The following ADAMTS20 variants were observed in gnomAD, a reference collection of about 807,000 sequenced individuals.
ADAMTS20 encodes ADAM metallopeptidase with thrombospondin type 1 motif 20, also known as A disintegrin and metalloproteinase with thrombospondin motifs 20.
A neutral mutation model predicts 260.1 loss-of-function variants in ADAMTS20; 225 were observed. The ratio of observed to expected loss-of-function variants is 0.87; its 90% CI spans 0.78 to 0.97. The LOEUF (loss-of-function observed/expected upper bound fraction) is 0.97, where lower values mean the gene tolerates loss of function less well. ADAMTS20 is among the 50% of genes least tolerant of loss of function. The pLI is 0.00. For missense variants in ADAMTS20, 2,400 were observed against 2,337.7 expected (o/e 1.03, Z -0.55); for synonymous variants, 802 against 769.5 (o/e 1.04, Z -0.70).
chr12:43,372,926 A>G (rs1435970734), intron 36 of ADAMTS20, among the ~76,000 whole-genome samples: 1 of 152,206 alleles, frequency 6.6e-6, no homozygotes, highest in Non-Finnish European at 1.5e-5. Context: ...GAGTGGAGGT[A>G]TTAAAAATTT....
rs753016233 is a variant in ADAMTS20 at position 43,428,266 on chromosome 12, T to C, written c.3920A>G (p.Gln1307Arg). 3.7e-6 allele frequency: 6 copies of C among 1,613,856 alleles called. No homozygotes were observed. In the African/African-American group the frequency reaches 8.0e-5, roughly 22 times the overall value. ...QVVHPSVRGNQWRTGPWGSCS... is the reference protein window; with the variant it reads ...QVVHPSVRGNRWRTGPWGSCS... The stretch of plus-strand genomic sequence containing the variant: ...TGATCCCCATGGTCCGGTTCTCCAC[T>C]GGTTTCCTCTGACTGATGGATGGAC... The change falls in exon 26 of 39, where the codon CAG becomes CGG. Residue 1307 changes from glutamine (Q) to arginine (R), a missense_variant. By Grantham distance (43) the Gln-to-Arg change is conservative (BLOSUM62 1). Transcript: ENST00000389420.
At chr12:43,370,757 T>C (rs1339202189) in intron 36 of ADAMTS20, among the ~76,000 whole-genome samples, 1 of 152,230 alleles carries the variant, frequency 6.6e-6, no homozygotes, top group Non-Finnish European at 1.5e-5. Flanking sequence ...TTCACTAAAC[T>C]GTACTACCAT....
chr12:43,481,495 A>G (rs904624384), intron 7 of ADAMTS20, among the ~76,000 whole-genome samples: 1 of 152,164 alleles, frequency 6.6e-6, no homozygotes, highest in African/African-American at 2.4e-5. Flanking sequence ...GCAGTAAGAC[A>G]AGAAAAGAGT....
intron 29 of ADAMTS20, among the ~76,000 whole-genome samples, chr12:43,391,360 T>C (rs570740024): frequency 8.5e-5 from 13 of 152,228 alleles, no homozygotes; most frequent in Non-Finnish European, 1.2e-4. Flanking sequence ...ATAGCAGCAG[T>C]GAAAAATAGT....
At chr12:43,523,773 C>T (rs544506780) in intron 3 of ADAMTS20, among the ~76,000 whole-genome samples, 1 of 152,164 alleles carries the variant, frequency 6.6e-6, no homozygotes, top group South Asian at 2.1e-4. Flanking sequence ...CCTTGACCCC[C>T]AGAGGGGTTG....
intron 28 of ADAMTS20, among the ~76,000 whole-genome samples, chr12:43,421,125 A>G (rs997173384): frequency 6.6e-5 from 10 of 151,542 alleles, no homozygotes; most frequent in African/African-American, 2.4e-4. Context: ...ATCATTTCTG[A>G]CAGTGCTTCT....
intron 7 of ADAMTS20, among the ~76,000 whole-genome samples, chr12:43,487,834 A>T (rs1389113655): frequency 1.3e-5 from 2 of 152,184 alleles, no homozygotes; most frequent in East Asian, 3.9e-4. Context: ...GAACTATAAA[A>T]ATGAAAATAT....
At chr12:43,481,473 G>T (rs1044458290) in intron 7 of ADAMTS20, among the ~76,000 whole-genome samples, 1 of 152,120 alleles carries the variant, frequency 6.6e-6, no homozygotes, top group African/African-American at 2.4e-5. Flanking sequence ...TTCTATAAGA[G>T]ATTTTTATCT....
intron 8 of ADAMTS20, among the ~76,000 whole-genome samples, chr12:43,467,601 G>GT (rs1355144815): frequency 6.6e-6 from 1 of 151,812 alleles, no homozygotes; most frequent in Non-Finnish European, 1.5e-5. Context: ...TCTTCTACTG[G>GT]TTAGTAGCCT....
chr12:43,416,052 C>T (rs1224604671), intron 28 of ADAMTS20, among the ~76,000 whole-genome samples: 22 of 152,108 alleles, frequency 1.4e-4, no homozygotes, highest in Admixed American at 1.4e-3. Flanking sequence ...CAGATGTTGT[C>T]TTATACCTCT....
At chr12:43,501,710 A>T (rs972022129) in intron 4 of ADAMTS20, among the ~76,000 whole-genome samples, 2 of 152,130 alleles carry the variant, frequency 1.3e-5, no homozygotes, top group African/African-American at 4.8e-5. Flanking sequence ...CCATAAATAC[A>T]TGTATAACTT....
intron 7 of ADAMTS20, among the ~76,000 whole-genome samples, chr12:43,481,583 A>G (rs1019492449): frequency 9.9e-5 from 15 of 152,244 alleles, no homozygotes; most frequent in African/African-American, 3.6e-4. Flanking sequence ...AAAAGAATCT[A>G]CAAGTGAAAC....
chr12:43,456,321 A>G (rs987299835), intron 11 of ADAMTS20, among the ~76,000 whole-genome samples: 1 of 152,216 alleles, frequency 6.6e-6, no homozygotes, highest in African/African-American at 2.4e-5. Context: ...TCTCATTAAC[A>G]TACAAACACA....
chr12:43,355,394 T>C (rs948807466), intron 38 of ADAMTS20, among the ~76,000 whole-genome samples: 40 of 152,230 alleles, frequency 2.6e-4, no homozygotes, highest in African/African-American at 9.6e-4. Flanking sequence ...ACTAGTTATG[T>C]GCAACATTTT....
chr12:43,403,494 T>C (rs1940852732), intron 28 of ADAMTS20, among the ~76,000 whole-genome samples: 1 of 152,126 alleles, frequency 6.6e-6, no homozygotes, highest in South Asian at 2.1e-4. Flanking sequence ...GTACCCAAAC[T>C]AGTAATTGTA....
At chr12:43,447,408 T>C (rs61925150) in intron 14 of ADAMTS20, among the ~76,000 whole-genome samples, 14,045 of 152,162 alleles carry the variant, frequency 0.092, 797 homozygotes, top group Middle Eastern at 0.18. Context: ...ATTATCTCAA[T>C]AGATGCAGAA....
intron 4 of ADAMTS20, among the ~76,000 whole-genome samples, chr12:43,494,054 G>T (rs112914135): frequency 2.0e-5 from 3 of 152,208 alleles, no homozygotes; most frequent in African/African-American, 7.2e-5. Context: ...CTGCAGTAGG[G>T]GTGTCTTCCA....
At chr12:43,450,983 G>A (rs1372243454) in intron 14 of ADAMTS20, among the ~76,000 whole-genome samples, 1 of 152,132 alleles carries the variant, frequency 6.6e-6, no homozygotes, top group Admixed American at 6.6e-5. Flanking sequence ...ACACTCCCAT[G>A]TTTATCACAG....
intron 3 of ADAMTS20, among the ~76,000 whole-genome samples, chr12:43,510,715 A>G (rs542038679): frequency 1.3e-5 from 2 of 152,258 alleles, no homozygotes; most frequent in East Asian, 1.9e-4. Context: ...CCATGCAACA[A>G]TGATAATCTG....
Sources: allele counts gnomAD v4.1 joint callset (sites outside exome capture counted in the v4.1 genomes callset), GRCh38; gene constraint gnomAD v4.1.1; transcripts MANE v1.5; gene names NCBI Gene and HGNC (gene_info 2026-07-23, HGNC 2026-07-21).